The following MAPK10 variants were observed in gnomAD, a reference collection of about 807,000 sequenced individuals.
MAPK10 encodes JNK3 alpha protein kinase.
MAPK10 carries 25 observed loss-of-function variants against 59.3 expected under a neutral mutation model. That is an observed-to-expected ratio of 0.42 (90% CI 0.31 to 0.59). The LOEUF is 0.59. MAPK10 is among the 20% of genes least tolerant of loss of function. The pLI, the probability that MAPK10 is intolerant of heterozygous loss-of-function variation, is 0.15. For synonymous variants in MAPK10, 190 were observed against 200.5 expected (o/e 0.95, Z 0.44); for missense variants, 351 against 568.9 (o/e 0.62, Z 3.90).
chr4:86,262,227 C>T (rs2094015172), intron 2 of MAPK10, among the ~76,000 whole-genome samples: 1 of 152,092 alleles, frequency 6.6e-6, no homozygotes, highest in Non-Finnish European at 1.5e-5. Context: ...GGTTTCCTCC[C>T]CCTCCCCTCT....
At chr4:86,464,394 C>G (rs773273908) in intron 1 of MAPK10, among the ~76,000 whole-genome samples, 1 of 152,198 alleles carries the variant, frequency 6.6e-6, no homozygotes, top group Non-Finnish European at 1.5e-5. Flanking sequence ...TTTGATATGC[C>G]TATTAATGTG....
At chr4:86,231,327 T>C (rs1583233722) in intron 2 of MAPK10, among the ~76,000 whole-genome samples, 1 of 152,284 alleles carries the variant, frequency 6.6e-6, no homozygotes, top group East Asian at 1.9e-4. Flanking sequence ...GCATCCTGCA[T>C]TTTTATTTGC....
intron 1 of MAPK10, among the ~76,000 whole-genome samples, chr4:86,558,364 T>C (rs989376844): frequency 5.3e-5 from 8 of 152,170 alleles, no homozygotes; most frequent in African/African-American, 1.9e-4. Context: ...CTGTCTTTCA[T>C]CTTTGGCCTT....
chr4:86,455,047 A>C (rs968776890), upstream of MAPK10, among the ~76,000 whole-genome samples: 2 of 152,204 alleles, frequency 1.3e-5, no homozygotes, highest in African/African-American at 4.8e-5. Flanking sequence ...TCATAAGTGA[A>C]GGAAAAATAC....
intron 1 of MAPK10, among the ~76,000 whole-genome samples, chr4:86,416,242 C>T (rs1745846834): frequency 6.6e-6 from 1 of 152,192 alleles, no homozygotes; most frequent in Non-Finnish European, 1.5e-5. Context: ...AGAAGGCAGG[C>T]ATCTGCAAGC....
intron 1 of MAPK10, among the ~76,000 whole-genome samples, chr4:86,541,027 G>A (rs544335227): frequency 6.6e-6 from 1 of 152,298 alleles, no homozygotes; most frequent in African/African-American, 2.4e-5. Flanking sequence ...ACGCAGGGTG[G>A]CTGCAAAGAG....
intron 2 of MAPK10, among the ~76,000 whole-genome samples, chr4:86,339,490 T>A (rs1723604108): frequency 6.6e-6 from 1 of 152,174 alleles, no homozygotes; most frequent in South Asian, 2.1e-4. Context: ...AGATTCAGGG[T>A]TTGAAAAAGG....
chr4:86,078,884 G>A (rs2050062943), intron 9 of MAPK10, among the ~76,000 whole-genome samples: 1 of 152,000 alleles, frequency 6.6e-6, no homozygotes, highest in Non-Finnish European at 1.5e-5. Context: ...AGCTACTCAG[G>A]AGGCTGAGGC....
chr4:86,305,546 C>T (rs1374052341), intron 2 of MAPK10, among the ~76,000 whole-genome samples: 2 of 152,106 alleles, frequency 1.3e-5, no homozygotes, highest in African/African-American at 4.8e-5. Context: ...AGGCCGGGCA[C>T]CGTGGTTTAT....
At chr4:86,390,200 T>C (rs945581166) in intron 1 of MAPK10, among the ~76,000 whole-genome samples, 1 of 152,230 alleles carries the variant, frequency 6.6e-6, no homozygotes, top group African/African-American at 2.4e-5. Context: ...ATATTGATTC[T>C]TTAAAATCAT....
intron 2 of MAPK10, among the ~76,000 whole-genome samples, chr4:86,242,043 G>T (rs59097057): frequency 1.4e-3 from 219 of 152,078 alleles, no homozygotes; most frequent in Middle Eastern, 3.4e-3. Context: ...GTTGTTGGTG[G>T]TGGTGGTGGT....
intron 9 of MAPK10, among the ~76,000 whole-genome samples, chr4:86,084,147 G>A (rs938368841): frequency 6.6e-6 from 1 of 152,088 alleles, no homozygotes; most frequent in Admixed American, 6.6e-5. Context: ...ACTATGGGGC[G>A]AGACAAAAAA....
At chr4:86,155,502 T>C (rs1207586006) in intron 4 of MAPK10, among the ~76,000 whole-genome samples, 1 of 151,964 alleles carries the variant, frequency 6.6e-6, no homozygotes. Flanking sequence ...AGTACCCCCT[T>C]GTCTGAGGCA....
chr4:86,291,554 T>C (rs984557452), intron 2 of MAPK10, among the ~76,000 whole-genome samples: 1 of 152,196 alleles, frequency 6.6e-6, no homozygotes, highest in African/African-American at 2.4e-5. Flanking sequence ...TTTAAAGAAA[T>C]GCATATAGCT....
chr4:86,036,193 T>G (rs1259445366), intron 11 of MAPK10, among the ~76,000 whole-genome samples: 2 of 152,166 alleles, frequency 1.3e-5, no homozygotes, highest in African/African-American at 4.8e-5. Flanking sequence ...ATAGAAAGCA[T>G]GCCTCTGAAC....
chr4:86,417,188 AT>A (rs1343316577), intron 1 of MAPK10, among the ~76,000 whole-genome samples: 5 of 152,082 alleles, frequency 3.3e-5, no homozygotes, highest in Admixed American at 3.3e-4. Context: ...AAAGTGTGCT[AT>A]TTGCATAATT....
At chr4:86,577,867 G>A (rs1347060343) in intron 1 of MAPK10, among the ~76,000 whole-genome samples, 1 of 152,108 alleles carries the variant, frequency 6.6e-6, no homozygotes, top group Non-Finnish European at 1.5e-5. Flanking sequence ...CCATTTTATT[G>A]AGTAAATATT....
At chr4:86,111,758 G>T (rs1048822076) in intron 4 of MAPK10, among the ~76,000 whole-genome samples, 1 of 152,170 alleles carries the variant, frequency 6.6e-6, no homozygotes, top group African/African-American at 2.4e-5. Context: ...GAGTTAGGAA[G>T]AGTCCCTCCT....
intron 1 of MAPK10, among the ~76,000 whole-genome samples, chr4:86,391,620 A>C (rs1285375530): frequency 6.6e-6 from 1 of 152,200 alleles, no homozygotes; most frequent in Non-Finnish European, 1.5e-5. Flanking sequence ...GGGGACACTC[A>C]AGTGAAGGCA....
Sources: allele counts gnomAD v4.1 joint callset (sites outside exome capture counted in the v4.1 genomes callset), GRCh38; gene constraint gnomAD v4.1.1; transcripts MANE v1.5; gene names NCBI Gene and HGNC (gene_info 2026-07-23, HGNC 2026-07-21).